The following CHM variants were observed in gnomAD, a reference collection of about 807,000 sequenced individuals.
CHM encodes rab proteins geranylgeranyltransferase component A 1.
CHM carries 10 observed loss-of-function variants against 49.0 expected under a neutral mutation model. The ratio of observed to expected loss-of-function variants is 0.20; its 90% CI spans 0.13 to 0.35. The LOEUF (loss-of-function observed/expected upper bound fraction) is 0.35, where lower values mean the gene tolerates loss of function less well. Ranked by LOEUF, CHM falls within the 10% of genes least tolerant of loss-of-function variation. The pLI, the probability that CHM is intolerant of heterozygous loss-of-function variation, is 1.00. For synonymous variants in CHM, 184 were observed against 167.5 expected, an observed-to-expected ratio of 1.10 and a Z score of -0.76; for missense variants, 455 against 478.4, an observed-to-expected ratio of 0.95 and a Z score of 0.46.
intron 8 of CHM, among the ~76,000 whole-genome samples, chrX:85,931,556 A>G (rs1454076959): frequency 8.9e-6 from 1 of 111,912 alleles, no homozygotes; most frequent in East Asian, 2.8e-4. Context: ...CCACCTAACA[A>G]GATCAATAAA....
At chrX:85,922,386 T>C (rs1255575200) in intron 8 of CHM, among the ~76,000 whole-genome samples, 2 of 111,808 alleles carry the variant, frequency 1.8e-5, no homozygotes, top group Non-Finnish European at 3.8e-5. Context: ...AATATTTGTA[T>C]GGTGGGTGTC....
chrX:85,924,474 G>A (rs1280801571), intron 8 of CHM, among the ~76,000 whole-genome samples: 7 of 111,744 alleles, frequency 6.3e-5, no homozygotes, highest in Non-Finnish European at 3.8e-5. Flanking sequence ...TCCTATACAA[G>A]TATTGCTGTG....
chrX:86,047,408 A>G (rs905551812), intron 1 of CHM, 76 bp downstream of exon 1: 44 of 973,521 alleles, frequency 4.5e-5, no homozygotes, highest in Non-Finnish European at 6.3e-5. Flanking sequence ...TTGTCCCAAA[A>G]CTCGCCACTG....
At chrX:85,877,042 T>C (rs1206676573) in intron 13 of CHM, among the ~76,000 whole-genome samples, 3 of 111,181 alleles carry the variant, frequency 2.7e-5, no homozygotes, top group African/African-American at 9.8e-5. Flanking sequence ...AGTATAGTTG[T>C]AGTTAAAGCC....
chrX:85,874,227 T>C (rs908961611), intron 13 of CHM, among the ~76,000 whole-genome samples: 4 of 111,990 alleles, frequency 3.6e-5, no homozygotes, highest in South Asian at 3.7e-4. Flanking sequence ...TTGATAATCA[T>C]TTATTTGCCT....
chrX:85,969,942 G>A (rs1930801048), intron 4 of CHM: 1 of 111,901 alleles, frequency 8.9e-6, no homozygotes, highest in African/African-American at 3.2e-5. Context: ...GGGAGAACAG[G>A]AGGGAGGGGA....
At chrX:85,981,523 C>T (rs905729035) in intron 3 of CHM, among the ~76,000 whole-genome samples, 2 of 110,779 alleles carry the variant, frequency 1.8e-5, no homozygotes, top group Admixed American at 9.6e-5. Flanking sequence ...CATGAGCCAT[C>T]GCACCCGAGC....
chrX:85,892,852 G>GT (rs1925568411), intron 12 of CHM, among the ~76,000 whole-genome samples: 1 of 111,286 alleles, frequency 9.0e-6, no homozygotes, highest in South Asian at 3.8e-4. Flanking sequence ...AACCATATTA[G>GT]TTTTTTTGCT....
chrX:86,017,183 T>A (rs1933338983), intron 2 of CHM, among the ~76,000 whole-genome samples: 1 of 112,249 alleles, frequency 8.9e-6, no homozygotes, highest in Non-Finnish European at 1.9e-5. Flanking sequence ...GGCTCATAGG[T>A]AGAAGGGACT....
intron 12 of CHM, among the ~76,000 whole-genome samples, chrX:85,881,874 G>A (rs1014874198): frequency 3.6e-5 from 4 of 111,898 alleles, no homozygotes; most frequent in African/African-American, 1.3e-4. Flanking sequence ...GATTAATTCT[G>A]TAGAAATAAT....
chrX:85,995,856 T>G (rs766471770), intron 2 of CHM, among the ~76,000 whole-genome samples: 1 of 111,409 alleles, frequency 9.0e-6, no homozygotes, highest in Non-Finnish European at 1.9e-5. Context: ...ACAGACATCA[T>G]AAAATCTGTC....
chrX:86,006,417 A>G (rs1932855988), intron 2 of CHM, among the ~76,000 whole-genome samples: 1 of 111,958 alleles, frequency 8.9e-6, no homozygotes, highest in Non-Finnish European at 1.9e-5. Context: ...GGTCAGGGCA[A>G]TCAGGTAAGT....
chrX:85,872,935 T>C, intron 14 of CHM, 117 bp downstream of exon 14: 1 of 665,826 alleles, frequency 1.5e-6, no homozygotes, highest in East Asian at 3.5e-5. Context: ...TAGGGCAAAT[T>C]ACAGAAATGG....
intron 4 of CHM, chrX:85,970,828 G>A: frequency 2.5e-6 from 1 of 393,658 alleles, no homozygotes; most frequent in South Asian, 1.3e-4. Context: ...CTTATTGTAA[G>A]GAAGAATCAG....
At chrX:85,909,333 T>C (rs1242463756) in intron 9 of CHM, among the ~76,000 whole-genome samples, 1 of 111,466 alleles carries the variant, frequency 9.0e-6, no homozygotes, top group Admixed American at 9.6e-5. Flanking sequence ...TGGAACACAG[T>C]ACCCTTTACT....
intron 14 of CHM, among the ~76,000 whole-genome samples, chrX:85,871,488 C>G (rs772760889): frequency 9.1e-6 from 1 of 109,444 alleles, no homozygotes; most frequent in African/African-American, 3.3e-5. Context: ...TGCAGTTTAT[C>G]TGAATACACA....
rs766636077 is a variant in CHM at position 85,879,069 on chromosome X, A to T, written c.1511-6T>A. The T allele has an allele frequency of 1.5e-5, 14 of 939,552 alleles. No individual in the cohort carries two copies. Among genetic ancestry groups the T allele is most frequent in the South Asian group, 2.2e-5 (1 of 44,505 alleles). 77.4% of individuals were successfully genotyped at this position (939,552 alleles called of 1,213,427 possible). ...GCAAGTCAAATGAACCAAATCTGTT[A>T]AAAAAAAAATATTTGAGTTCCTTGT... On this transcript the variant is annotated splice_region_variant and splice_polypyrimidine_tract_variant and intron_variant, in intron 12 of 14. Transcript: ENST00000357749.
chrX:86,025,398 C>T (rs1043276273), intron 2 of CHM, among the ~76,000 whole-genome samples: 2 of 110,844 alleles, frequency 1.8e-5, no homozygotes, highest in African/African-American at 6.6e-5. Flanking sequence ...AATAAGAAAA[C>T]ACAAAATAGG....
chrX:85,876,880 A>C (rs1462892359), intron 13 of CHM, among the ~76,000 whole-genome samples: 1 of 111,218 alleles, frequency 9.0e-6, no homozygotes, highest in African/African-American at 3.3e-5. Context: ...CCCCAGCTTG[A>C]TTTTTTTTAA....
Sources: allele counts gnomAD v4.1 joint callset (sites outside exome capture counted in the v4.1 genomes callset), GRCh38; gene constraint gnomAD v4.1.1; transcripts MANE v1.5; gene names NCBI Gene and HGNC (gene_info 2026-07-23, HGNC 2026-07-21).